The following USP36 variants were observed in gnomAD, a reference collection of about 807,000 sequenced individuals.
USP36 encodes ubiquitin specific peptidase 36, also known as ubiquitin carboxyl-terminal hydrolase 36.
USP36 carries 59 observed loss-of-function variants against 111.5 expected under a neutral mutation model. The observed-to-expected ratio is 0.53, with a 90% CI of 0.43 to 0.66. The LOEUF (loss-of-function observed/expected upper bound fraction) is 0.66. Among genes scored for constraint, USP36 ranks in the 30% least tolerant of loss-of-function variants. The pLI is 0.00. For synonymous variants in USP36, 628 were observed against 581.0 expected (o/e 1.08, Z -1.16); for missense variants, 1,488 against 1,468.0 (o/e 1.01, Z -0.22).
chr17:78,792,245 G>A (rs2093589659), downstream of USP36, among the ~76,000 whole-genome samples: 1 of 152,124 alleles, frequency 6.6e-6, no homozygotes, highest in Non-Finnish European at 1.5e-5. Context: ...TTTTAGGATG[G>A]GAGATGCCTG....
At chr17:78,800,812 C>T (rs933689656) in intron 17 of USP36, among the ~76,000 whole-genome samples, 9 of 152,164 alleles carry the variant, frequency 5.9e-5, no homozygotes, top group African/African-American at 1.4e-4. Context: ...CAGGGAGCCC[C>T]GAGGGCCCAG....
Position 78,829,000 on chromosome 17 carries a change from C to A in USP36, c.483G>T (p.Gln161His), listed in dbSNP as rs1025896131. 6.2e-7 allele frequency: 1 copy of A among 1,612,092 alleles called. No homozygotes were observed. The highest frequency in any genetic ancestry group is 1.3e-5 in the African/African-American group (1 of 74,878). ...LSKEHARSCHQGSFCMLCVMQ... is the reference protein window; with the variant it reads ...LSKEHARSCHHGSFCMLCVMQ... ...TGACACACAGCATGCAGAAGCTTCC[C>A]TGGTGGCCTGCCGGCGTGGAAGGAG... is the stretch of plus-strand genomic sequence containing the variant. Residue 161 changes from glutamine to histidine, a missense_variant, in exon 5 of 21, where the codon CAG (glutamine) becomes CAT (histidine). Around this residue, in one of 3 missense-constraint regions of USP36, gnomAD observed 219 missense variants for 209.5 expected, o/e 1.05. Coordinates refer to ENST00000449938, the MANE Select transcript of USP36 (RefSeq NM_001385174.1).
At position 78,795,783 on chromosome 17, in the gene USP36, C is replaced by T. The variant is rs181237565; in HGVS notation, c.*2117G>A. 4.6e-5 allele frequency: 7 copies of T among 152,432 alleles called. No homozygotes were observed. Among genetic ancestry groups the T allele is most frequent in the Admixed American group, 2.0e-4 (3 of 15,310 alleles). 9.4% of individuals were successfully genotyped at this position (152,432 alleles called of 1,614,324 possible). On this transcript the variant is annotated 3_prime_UTR_variant, in exon 21 of 21. Transcript: ENST00000449938. This position sits in a 1 kb window ranked among gnomAD's most constrained non-coding sequence, Gnocchi z 4.5. ...CACAGGTGCGGCCATGCAACCAGGA[C>T]GCGGGGCAGGCAAGTGAGAGGACCT...
At chr17:78,802,671 T>A in intron 16 of USP36, 136 bp from the exon 17 acceptor site, 1 of 822,424 alleles carries the variant, frequency 1.2e-6, no homozygotes, top group Non-Finnish European at 1.9e-6. Flanking sequence ...TGCAACATTC[T>A]TCCCCCCACA....
Position 78,821,063 on chromosome 17 carries a change from T to C in USP36, c.758-2A>G. Reference sequence around the variant, plus strand: ...CGCTCTTGCACACGGAGCACTTCACTGCAACAGAACAGAGGCAGTGGAGCA... The same window carrying C: ...CGCTCTTGCACACGGAGCACTTCACCGCAACAGAACAGAGGCAGTGGAGCA... On this transcript the variant is annotated splice_acceptor_variant, in intron 7 of 20. Coordinates refer to ENST00000449938, the MANE Select transcript of USP36 (RefSeq NM_001385174.1). LOFTEE classifies it high-confidence loss of function. 1 of 1,599,092 alleles carries C rather than the reference T, an allele frequency of 6.3e-7. No individual in the cohort carries two copies. The highest frequency in any genetic ancestry group is 8.5e-7 in the Non-Finnish European group (1 of 1,172,490).
intron 13 of USP36, among the ~76,000 whole-genome samples, chr17:78,808,249 A>G (rs2093962813): frequency 8.9e-6 from 1 of 112,876 alleles, no homozygotes; most frequent in African/African-American, 2.6e-5. Context: ...ATAACTCTCA[A>G]TAAATATCTT....
rs373034953 is a variant in USP36 at position 78,824,278 on chromosome 17, G to A, written c.690-2274C>T. On this transcript the variant is annotated intron_variant, in intron 6 of 20. Transcript: ENST00000449938. ...CAACAAAAAAAATGAAATCATGCAC[G>A]CTAAAATGGCAAGAGAGAGAGGAGA... Among the ~76,000 whole-genome samples, 21 of 152,190 alleles carry A rather than the reference G, an allele frequency of 1.4e-4. 1 individual carries two copies. The highest frequency in any genetic ancestry group is 3.9e-4 in the East Asian group (2 of 5,192).
chr17:78,810,618 C>T (rs538612474), intron 13 of USP36, among the ~76,000 whole-genome samples: 37 of 152,272 alleles, frequency 2.4e-4, no homozygotes, highest in African/African-American at 8.7e-4. Flanking sequence ...GCTACAGTGA[C>T]CACCAACTTT....
At chr17:78,832,831 T>C (rs1216220571) in intron 4 of USP36, among the ~76,000 whole-genome samples, 1 of 152,000 alleles carries the variant, frequency 6.6e-6, no homozygotes, top group African/African-American at 2.4e-5. Context: ...CCACTGGAAA[T>C]AGGGGCTACA....
intron 9 of USP36, 113 bp from the exon 10 acceptor site, chr17:78,818,891 C>A: frequency 9.3e-7 from 1 of 1,079,020 alleles, no homozygotes; most frequent in Non-Finnish European, 1.4e-6. Flanking sequence ...GTGGAATCTT[C>A]ATCAATGAGA....
At chr17:78,815,143 C>G (rs1404464091) in intron 10 of USP36, among the ~76,000 whole-genome samples, 1 of 152,068 alleles carries the variant, frequency 6.6e-6, no homozygotes, top group Non-Finnish European at 1.5e-5. Flanking sequence ...ACCATCGTGG[C>G]CAAGATGGCG....
intron 3 of USP36, among the ~76,000 whole-genome samples, chr17:78,788,861 G>A (rs924615068): frequency 6.6e-6 from 1 of 152,074 alleles, no homozygotes; most frequent in South Asian, 2.1e-4. Flanking sequence ...GGGGACGGGA[G>A]GGACACTGAG....
In USP36 at chr17:78,807,268, G is replaced by A. The variant is rs766627365; in HGVS notation, c.1776C>T (p.Asn592=). The part of the protein sequence containing the change: ...SPKLLATATA[N]GHGLKGNDES... ...CGTCGTTCCCCTTCAGCCCATGCCCGTTGGCAGTGGCTGTAGCCAGGAGCT... is the reference window on the plus strand; with the variant it reads ...CGTCGTTCCCCTTCAGCCCATGCCCATTGGCAGTGGCTGTAGCCAGGAGCT... The change falls in exon 14 of 21, where the codon AAC becomes AAT. Residue 592 remains asparagine, a synonymous_variant. Transcript: ENST00000449938. 6.2e-5 allele frequency: 100 copies of A among 1,613,936 alleles called. No homozygotes were observed. Among genetic ancestry groups the A allele is most frequent in the South Asian group, 2.4e-4 (22 of 91,074 alleles).
intron 4 of USP36, 104 bp downstream of exon 4, chr17:78,835,176 C>T (rs533960695): frequency 4.3e-6 from 5 of 1,174,402 alleles, no homozygotes; most frequent in Non-Finnish European, 4.9e-6. Flanking sequence ...TATGAACTAC[C>T]CTCCTAAATT....
chr17:78,811,902 G>A (rs558593971), intron 13 of USP36, among the ~76,000 whole-genome samples: 92 of 152,012 alleles, frequency 6.1e-4, no homozygotes, highest in African/African-American at 2.1e-3. Context: ...TTTCCTACAC[G>A]CTTACGGTTA....
In USP36 at chr17:78,818,706, G is replaced by A; in HGVS notation, c.984C>T (p.Leu328=). ...CCCCGCTGAAGTTGGCAAAGCGCTTGAGGGAAAGGGTTAAGACGTTGGATG... is the reference window on the plus strand; with the variant it reads ...CCCCGCTGAAGTTGGCAAAGCGCTTAAGGGAAAGGGTTAAGACGTTGGATG... ...HRTSNVLTLS[L]KRFANFSGGK... Residue 328 remains leucine (L), a synonymous_variant, in exon 10 of 21, where the codon CTC becomes CTT. Transcript: ENST00000449938. 1 of 1,614,026 alleles carries A rather than the reference G, an allele frequency of 6.2e-7. No homozygotes were observed. The highest frequency in any genetic ancestry group is 8.5e-7 in the Non-Finnish European group (1 of 1,179,886).
At chr17:78,793,614 T>C (rs567777006), downstream of USP36, among the ~76,000 whole-genome samples, 3 of 152,150 alleles carry the variant, frequency 2.0e-5, no homozygotes, top group African/African-American at 2.4e-5. Flanking sequence ...TCACGTGACC[T>C]GTCCACACAC....
Position 78,814,395 on chromosome 17 carries a change from T to C in USP36, c.1164+17A>G. Reference sequence around the variant, plus strand: ...AACCTGTCCCAGGAGGCAGCTGCACTGACACAAGCCTCTCACCTTCACGTA... The same window carrying C: ...AACCTGTCCCAGGAGGCAGCTGCACCGACACAAGCCTCTCACCTTCACGTA... On this transcript the variant is annotated intron_variant, in intron 11 of 20. Coordinates refer to ENST00000449938, the MANE Select transcript of USP36 (RefSeq NM_001385174.1). 6.2e-7 allele frequency: 1 copy of C among 1,613,668 alleles called. No individual in the cohort carries two copies. The highest frequency in any genetic ancestry group is 8.5e-7 in the Non-Finnish European group (1 of 1,179,890).
At chr17:78,824,457 T>C (rs967085796) in intron 6 of USP36, among the ~76,000 whole-genome samples, 5 of 152,118 alleles carry the variant, frequency 3.3e-5, no homozygotes, top group Non-Finnish European at 5.9e-5. Flanking sequence ...GGCAGGAGGA[T>C]TGCTTGAGTC....
Sources: allele counts gnomAD v4.1 joint callset (sites outside exome capture counted in the v4.1 genomes callset), GRCh38; gene constraint gnomAD v4.1.1; regional missense constraint gnomAD v4.1.1; non-coding constraint Gnocchi (gnomAD v3.1); transcripts MANE v1.5; gene names NCBI Gene and HGNC (gene_info 2026-07-23, HGNC 2026-07-21).